Variants in NRG3 observed in about 807,000 individuals in gnomAD.
The protein encoded by NRG3 is pro-neuregulin-3, membrane-bound isoform.
NRG3 carries 31 observed loss-of-function variants against 66.9 expected under a neutral mutation model. The observed-to-expected ratio is 0.46, with a 90% confidence interval of 0.35 to 0.63. The LOEUF (loss-of-function observed/expected upper bound fraction) is 0.63, where lower values mean the gene tolerates loss of function less well. Ranked by LOEUF, NRG3 falls within the 20% of genes least tolerant of loss-of-function variation. NRG3 has a pLI of 0.00. For synonymous variants in NRG3, 393 were observed against 359.4 expected, an observed-to-expected ratio of 1.09 and a Z score of -1.06; for missense variants, 910 against 878.9, an observed-to-expected ratio of 1.04 and a Z score of -0.45.
At chr10:82,016,648 G>C (rs1032675965) in intron 1 of NRG3, among the ~76,000 whole-genome samples, 4 of 152,092 alleles carry the variant, frequency 2.6e-5, no homozygotes, top group Non-Finnish European at 5.9e-5. Flanking sequence ...AAATTACAGG[G>C]AGAGAAACTG....
chr10:82,845,541 A>T (rs556412532), intron 3 of NRG3, among the ~76,000 whole-genome samples: 73 of 152,330 alleles, frequency 4.8e-4, no homozygotes, highest in African/African-American at 1.6e-3. Context: ...AGGCAAAAAA[A>T]AAAGGGTGTA....
At chr10:82,898,868 C>A (rs1180394275) in intron 4 of NRG3, among the ~76,000 whole-genome samples, 2 of 151,800 alleles carry the variant, frequency 1.3e-5, no homozygotes, top group Non-Finnish European at 1.5e-5. Flanking sequence ...ACTGCAGGCA[C>A]CCCGGCTAAT....
At chr10:82,064,520 A>G (rs963599289) in intron 1 of NRG3, among the ~76,000 whole-genome samples, 45 of 152,280 alleles carry the variant, frequency 3.0e-4, no homozygotes, top group African/African-American at 1.1e-3. Flanking sequence ...CGTTGAAAAA[A>G]AAAGCATCAA....
At chr10:82,012,523 T>G (rs948958224) in intron 1 of NRG3, among the ~76,000 whole-genome samples, 13 of 152,230 alleles carry the variant, frequency 8.5e-5, no homozygotes, top group Admixed American at 7.2e-4. Context: ...TGGGTTTTTC[T>G]TTTCTATCAC....
At chr10:82,073,950 GC>G (rs1235587733) in intron 1 of NRG3, among the ~76,000 whole-genome samples, 1 of 152,098 alleles carries the variant, frequency 6.6e-6, no homozygotes, top group East Asian at 1.9e-4. Flanking sequence ...TACTTTTGCA[GC>G]TTAAATACCA....
chr10:82,527,167 A>T (rs765046184), intron 2 of NRG3, among the ~76,000 whole-genome samples: 2 of 152,158 alleles, frequency 1.3e-5, no homozygotes, highest in Non-Finnish European at 2.9e-5. Context: ...ACTGTATTGT[A>T]TTACCAAAAA....
At chr10:82,913,725 A>C (rs912442506) in intron 4 of NRG3, among the ~76,000 whole-genome samples, 1 of 152,084 alleles carries the variant, frequency 6.6e-6, no homozygotes, top group African/African-American at 2.4e-5. Context: ...GCACATTCCC[A>C]GTCTCTTTTC....
intron 1 of NRG3, chr10:82,232,831 G>A (rs988813533): frequency 1.4e-6 from 1 of 717,248 alleles, no homozygotes; most frequent in African/African-American, 1.7e-5. Flanking sequence ...TAAGTTGTAA[G>A]GCATGGCCTT....
At chr10:82,331,315 A>G (rs1250081050) in intron 1 of NRG3, among the ~76,000 whole-genome samples, 1 of 152,160 alleles carries the variant, frequency 6.6e-6, no homozygotes, top group African/African-American at 2.4e-5. Flanking sequence ...GACCATTTCC[A>G]TGCAAGTGCT....
chr10:81,933,315 G>A (rs905273881), intron 1 of NRG3, among the ~76,000 whole-genome samples: 5 of 151,956 alleles, frequency 3.3e-5, no homozygotes, highest in Admixed American at 6.6e-5. Flanking sequence ...TCCCACAGCA[G>A]CTCTGCAAGA....
intron 1 of NRG3, among the ~76,000 whole-genome samples, chr10:82,233,074 A>T (rs1391137983): frequency 6.6e-6 from 1 of 152,132 alleles, no homozygotes; most frequent in East Asian, 1.9e-4. Flanking sequence ...TCCTATCTTA[A>T]GTATTGGCGG....
chr10:82,083,740 A>G (rs969866301), intron 1 of NRG3, among the ~76,000 whole-genome samples: 1 of 150,982 alleles, frequency 6.6e-6, no homozygotes, highest in South Asian at 2.1e-4. Flanking sequence ...GATTACAGGC[A>G]TGCGCCACCA....
At chr10:82,409,869 T>C (rs2087920919) in intron 2 of NRG3, among the ~76,000 whole-genome samples, 1 of 152,124 alleles carries the variant, frequency 6.6e-6, no homozygotes, top group African/African-American at 2.4e-5. Flanking sequence ...AGCTGGAAAC[T>C]CAGCTGGTGT....
chr10:81,932,918 C>T (rs888025797), intron 1 of NRG3, among the ~76,000 whole-genome samples: 1 of 151,892 alleles, frequency 6.6e-6, no homozygotes, highest in African/African-American at 2.4e-5. Flanking sequence ...ACCAGCCTGG[C>T]CAAGATGGTG....
chr10:82,982,282 A>T (rs965006693), intron 8 of NRG3, among the ~76,000 whole-genome samples: 19 of 152,210 alleles, frequency 1.2e-4, no homozygotes, highest in Non-Finnish European at 2.5e-4. Flanking sequence ...ATGACTGGGA[A>T]CCAAACCAAG....
chr10:82,361,727 A>G (rs1047966481), intron 2 of NRG3, among the ~76,000 whole-genome samples: 19 of 152,170 alleles, frequency 1.2e-4, no homozygotes, highest in African/African-American at 4.6e-4. Flanking sequence ...TACTTCAGTG[A>G]CTGACATGCT....
At chr10:81,961,685 G>A (rs1850378608) in intron 1 of NRG3, among the ~76,000 whole-genome samples, 1 of 152,238 alleles carries the variant, frequency 6.6e-6, no homozygotes, top group Admixed American at 6.5e-5. Context: ...CTTTAACTGT[G>A]TCCATTTTGG....
At chr10:81,992,114 G>A (rs1016352729) in intron 1 of NRG3, among the ~76,000 whole-genome samples, 2 of 152,000 alleles carry the variant, frequency 1.3e-5, no homozygotes, top group Non-Finnish European at 2.9e-5. Flanking sequence ...AGCAAAAACT[G>A]TCATTTTTTC....
chr10:82,277,557 A>G (rs73306627), intron 1 of NRG3, among the ~76,000 whole-genome samples: 22,559 of 152,032 alleles, frequency 0.15, 4,072 homozygotes, highest in African/African-American at 0.43. Flanking sequence ...TTCCAGATTT[A>G]GTAGTGGCTA....
Sources: allele counts gnomAD v4.1 joint callset (sites outside exome capture counted in the v4.1 genomes callset), GRCh38; gene constraint gnomAD v4.1.1; transcripts MANE v1.5; gene names NCBI Gene and HGNC (gene_info 2026-07-23, HGNC 2026-07-21).